Variants in PCDHGA3 observed in about 807,000 individuals in gnomAD.
PCDHGA3 encodes protocadherin gamma-A3.
PCDHGA3 carries 40 observed loss-of-function variants against 58.5 expected under a neutral mutation model. That is an observed-to-expected ratio of 0.68 (90% CI 0.53 to 0.89). The LOEUF is 0.89. Ranked by LOEUF, PCDHGA3 falls within the 40% of genes least tolerant of loss-of-function variation. The pLI, the probability that PCDHGA3 is intolerant of heterozygous loss-of-function variation, is 0.00. For synonymous variants in PCDHGA3, 530 were observed against 525.7 expected (o/e 1.01, Z -0.11); for missense variants, 1,223 against 1,195.9 (o/e 1.02, Z -0.33).
chr5:141,389,442 C>T, intron 1 of PCDHGA3: 2 of 1,610,586 alleles, frequency 1.2e-6, no homozygotes, highest in Non-Finnish European at 1.7e-6. Context: ...CGCCTTCGAC[C>T]ACGAGCAGCT....
rs142628885 is a variant in PCDHGA3 at position 141,404,093 on chromosome 5, C to T, written c.2424+57636C>T. ...TGACCGAGACTCCGGGAAGAATGGT[C>T]AAGTTGTCTGTTCTATCCAGGAGAA... On this transcript the variant is annotated intron_variant, in intron 1 of 3. Coordinates refer to ENST00000253812, the MANE Select transcript of PCDHGA3 (RefSeq NM_018916.4). The T allele has an allele frequency of 9.4e-5, 152 of 1,613,326 alleles. 2 individuals carry two copies. In the East Asian group the frequency reaches 3.4e-3, roughly 36 times the overall value.
chr5:141,395,016 G>GTGCC (rs1354536790), intron 1 of PCDHGA3: 2 of 1,613,950 alleles, frequency 1.2e-6, no homozygotes, highest in Non-Finnish European at 1.7e-6. Flanking sequence ...ATTGGTAGGC[G>GTGCC]TGCCTGCCTC....
At chr5:141,364,210 C>T in intron 1 of PCDHGA3, 1 of 1,234,376 alleles carries the variant, frequency 8.1e-7, no homozygotes, top group East Asian at 2.6e-5. Flanking sequence ...AGACAAGCTC[C>T]TACGAAAAGC....
In PCDHGA3 at chr5:141,487,120, T is replaced by C. The variant is rs1342042604; in HGVS notation, c.2425-7687T>C. 1.9e-6 allele frequency: 3 copies of C among 1,613,948 alleles called. No homozygotes were observed. Among genetic ancestry groups the C allele is most frequent in the Admixed American group, 1.7e-5 (1 of 60,028 alleles). ...AGAAGCTGGTCATTGTGGTAAAGGA[T>C]AGTGGTAGTCCACCACTCTCTACCT... On this transcript the variant is annotated intron_variant, in intron 1 of 3. Coordinates refer to ENST00000253812, the MANE Select transcript of PCDHGA3 (RefSeq NM_018916.4). The surrounding 1 kb of genome is among the most constrained non-coding windows in gnomAD (Gnocchi z 5.0).
Position 141,372,054 on chromosome 5 carries a change from G to T in PCDHGA3, c.2424+25597G>T, listed in dbSNP as rs377450479. On this transcript the variant is annotated intron_variant, in intron 1 of 3. Transcript: ENST00000253812. ...CGTGAGCCTGCGCGTGTTGGTGGAC[G>T]ACCGCAACGACAATGCACCGCTGGT... The T allele has an allele frequency of 7.4e-6, 12 of 1,613,396 alleles. No individual in the cohort carries two copies. In the African/African-American group the frequency reaches 8.0e-5, roughly 11 times the overall value.
At chr5:141,444,626 A>G (rs542390437) in intron 1 of PCDHGA3, among the ~76,000 whole-genome samples, 74 of 152,288 alleles carry the variant, frequency 4.9e-4, no homozygotes, top group African/African-American at 1.7e-3. Flanking sequence ...GGCATGATGC[A>G]CCAGTTCATT....
chr5:141,408,105 G>A (rs566753835), intron 1 of PCDHGA3: 22 of 1,439,788 alleles, frequency 1.5e-5, no homozygotes, highest in Admixed American at 8.2e-5. Context: ...TCCGAGACCC[G>A]GGACTCCTCC....
chr5:141,412,108 G>A (rs897331971), intron 1 of PCDHGA3: 2 of 152,198 alleles, frequency 1.3e-5, no homozygotes, highest in Admixed American at 6.5e-5. Flanking sequence ...CACAGTTGAA[G>A]ATATGTGAAC....
Position 141,487,650 on chromosome 5 carries a change from G to A in PCDHGA3, c.2425-7157G>A. On this transcript the variant is annotated intron_variant, in intron 1 of 3. Transcript: ENST00000253812. The surrounding 1 kb of genome is among the most constrained non-coding windows in gnomAD (Gnocchi z 5.0). ...TTGCAGGCTCAACAAATGCTTGAGGGTTATTCTGATCCAGGCATATGGCTA... is the reference window on the plus strand; with the variant it reads ...TTGCAGGCTCAACAAATGCTTGAGGATTATTCTGATCCAGGCATATGGCTA... 1 of 1,613,994 alleles carries A rather than the reference G, an allele frequency of 6.2e-7. No individual in the cohort carries two copies. Among genetic ancestry groups the A allele is most frequent in the Non-Finnish European group, 8.5e-7 (1 of 1,179,954 alleles).
Position 141,366,742 on chromosome 5 carries a change from G to A in PCDHGA3, c.2424+20285G>A, listed in dbSNP as rs762560261. ...AGGTAGATGCAAACAAAGAAGAACGGCGAGTTCAGGTTAGTTTTCTCTTTC... is the reference window on the plus strand; with the variant it reads ...AGGTAGATGCAAACAAAGAAGAACGACGAGTTCAGGTTAGTTTTCTCTTTC... On this transcript the variant is annotated intron_variant, in intron 1 of 3. Transcript: ENST00000253812. 3 of 1,611,864 alleles carry A rather than the reference G, an allele frequency of 1.9e-6. No homozygotes were observed. The East Asian group carries it at 6.7e-5, about 36-fold the overall frequency.
intron 1 of PCDHGA3, chr5:141,419,910 C>A (rs539905795): frequency 1.9e-6 from 3 of 1,613,968 alleles, no homozygotes; most frequent in Non-Finnish European, 2.5e-6. Flanking sequence ...CCCTCTGACT[C>A]CCAGGCTGAG....
intron 1 of PCDHGA3, chr5:141,364,802 C>T (rs1312102403): frequency 6.2e-7 from 1 of 1,614,006 alleles, no homozygotes; most frequent in Non-Finnish European, 8.5e-7. Context: ...TCCCTTCGCG[C>T]GGGATGCGGA....
At position 141,360,574 on chromosome 5, in the gene PCDHGA3, A is replaced by G. The variant is rs1761656122; in HGVS notation, c.2424+14117A>G. 3 of 1,613,862 alleles carry G rather than the reference A, an allele frequency of 1.9e-6. No homozygotes were observed. In the African/African-American group the frequency reaches 4.0e-5, roughly 22 times the overall value. ...TAATTTAAAAATTGGCGAATCCACT[A>G]AGCCAGGTACAACATTTCCACTTGA... On this transcript the variant is annotated intron_variant, in intron 1 of 3. Transcript: ENST00000253812.
At chr5:141,419,523 G>C in intron 1 of PCDHGA3, 1 of 1,612,204 alleles carries the variant, frequency 6.2e-7, no homozygotes, top group Non-Finnish European at 8.5e-7. Flanking sequence ...GTGGGCGACC[G>C]TAACGACAAC....
Position 141,494,880 on chromosome 5 carries a change from C to T in PCDHGA3, c.2483+15C>T. On this transcript the variant is annotated intron_variant, in intron 2 of 3. Transcript: ENST00000253812. ...GGCACCAGCGGGTAGGTGACTGATT[C>T]TCCAGCCCACCCTCTTCTCTGCGGC... 3 of 1,614,158 alleles carry T rather than the reference C, an allele frequency of 1.9e-6. No homozygotes were observed. Among genetic ancestry groups the T allele is most frequent in the Non-Finnish European group, 1.7e-6 (2 of 1,180,012 alleles).
intron 1 of PCDHGA3, among the ~76,000 whole-genome samples, chr5:141,358,427 A>G (rs1311834946): frequency 1.3e-5 from 2 of 152,186 alleles, no homozygotes; most frequent in Admixed American, 6.5e-5. Flanking sequence ...GGTATTTTCC[A>G]TTATAACAGG....
intron 1 of PCDHGA3, chr5:141,414,621 C>G: frequency 6.2e-7 from 1 of 1,613,996 alleles, no homozygotes; most frequent in Non-Finnish European, 8.5e-7. Flanking sequence ...CAGCGCTGGA[C>G]CCGGACAGCA....
At chr5:141,455,605 T>C (rs930071553) in intron 1 of PCDHGA3, among the ~76,000 whole-genome samples, 2 of 152,098 alleles carry the variant, frequency 1.3e-5, no homozygotes, top group African/African-American at 4.8e-5. Flanking sequence ...TAGGGCGCCA[T>C]GGATGTTCTA....
rs748951693 is a variant in PCDHGA3, at chr5:141,365,805, C to T, written c.2424+19348C>T. The T allele has an allele frequency of 3.1e-6, 5 of 1,613,942 alleles. No homozygotes were observed. The South Asian group carries it at 5.5e-5, about 18-fold the overall frequency. On this transcript the variant is annotated intron_variant, in intron 1 of 3. Coordinates refer to ENST00000253812, the MANE Select transcript of PCDHGA3 (RefSeq NM_018916.4). ...AACGCTCGAGTCACCTACTCCCTGG[C>T]TGAAGACACATTTCAGGGGGCGCCC...
Sources: gnomAD v4.1 joint callset for allele counts (sites outside exome capture counted in the v4.1 genomes callset) on GRCh38, gnomAD v4.1.1 for gene constraint, Gnocchi (gnomAD v3.1) non-coding constraint, MANE v1.5 for transcripts, NCBI Gene and HGNC (gene_info 2026-07-23, HGNC 2026-07-21) for gene names.